EHHADH: variants seen among roughly 807,000 people sequenced by gnomAD.
EHHADH encodes enoyl-CoA hydratase and 3-hydroxyacyl CoA dehydrogenase.
A neutral mutation model predicts 64.4 loss-of-function variants in EHHADH; 48 were observed. The ratio of observed to expected loss-of-function variants is 0.75; its 90% confidence interval spans 0.59 to 0.95. The LOEUF is 0.95. EHHADH is among the 40% of genes least tolerant of loss of function. The pLI is 0.00. For missense variants in EHHADH, 854 were observed against 876.6 expected, an observed-to-expected ratio of 0.97 and a Z score of 0.33; for synonymous variants, 308 against 326.7, an observed-to-expected ratio of 0.94 and a Z score of 0.62.
intron 2 of EHHADH, chr3:185,245,897 A>G: frequency 1.7e-6 from 2 of 1,191,042 alleles, no homozygotes; most frequent in East Asian, 2.3e-5. Flanking sequence ...CATGATGTTG[A>G]ACACACAATT....
At chr3:185,199,237 A>G (rs952024347) in intron 6 of EHHADH, among the ~76,000 whole-genome samples, 1 of 152,254 alleles carries the variant, frequency 6.6e-6, no homozygotes. Flanking sequence ...CAAGAAAAAA[A>G]TGGAAAATGA....
chr3:185,209,118 T>C (rs1488138216), intron 5 of EHHADH, among the ~76,000 whole-genome samples: 3 of 152,182 alleles, frequency 2.0e-5, no homozygotes, highest in Non-Finnish European at 4.4e-5. Flanking sequence ...GCACAATCTA[T>C]AAGGCAAATC....
chr3:185,203,467 G>T lies in EHHADH; in HGVS notation c.910+949C>A, dbSNP rs375080787. The stretch of plus-strand genomic sequence containing the variant: ...AAGATTGTACCTAAGCTGGTGCAAA[G>T]AATGCTTCACTTACCATCTCAAGGG... On this transcript the variant is annotated intron_variant, in intron 6 of 6. Coordinates refer to ENST00000231887, the MANE Select transcript of EHHADH (RefSeq NM_001966.4). Among the ~76,000 whole-genome samples the T allele has an allele frequency of 4.7e-4, 72 of 152,330 alleles. 4 individuals carry two copies. The South Asian group carries it at 0.015, about 31-fold the overall frequency.
Position 185,204,703 on chromosome 3 carries a change from T to G in EHHADH, c.623A>C (p.Asn208Thr). 6.2e-7 allele frequency: 1 copy of G among 1,614,072 alleles called. No individual in the cohort carries two copies. Among genetic ancestry groups the G allele is most frequent in the Non-Finnish European group, 8.5e-7 (1 of 1,179,928 alleles). The change falls in exon 6 of 7, where the codon AAC (asparagine) becomes ACC (threonine). Residue 208 changes from asparagine (N) to threonine (T), a missense_variant. By Grantham distance (65) the Asn-to-Thr change is moderately conservative (BLOSUM62 0). Transcript: ENST00000231887. The part of the protein sequence containing the change: ...LCNKPIQSLP[N>T]MDSIFSEALL... ...GGCCTCACTAAAAATGCTGTCCATGTTGGGCAAGCTCTGAATTGGCTTGTT... is the reference window on the plus strand; with the variant it reads ...GGCCTCACTAAAAATGCTGTCCATGGTGGGCAAGCTCTGAATTGGCTTGTT...
At chr3:185,215,551 G>T (rs1225440951) in intron 5 of EHHADH, among the ~76,000 whole-genome samples, 1 of 152,090 alleles carries the variant, frequency 6.6e-6, no homozygotes, top group African/African-American at 2.4e-5. Context: ...TTTTTAGGGT[G>T]ATAGAACTAT....
chr3:185,247,214 T>C (rs1161755611), intron 2 of EHHADH, among the ~76,000 whole-genome samples: 1 of 152,238 alleles, frequency 6.6e-6, no homozygotes, highest in Non-Finnish European at 1.5e-5. Flanking sequence ...TCTATGTAAA[T>C]GTATTAAGTC....
chr3:185,238,675 T>C (rs1719367531), intron 2 of EHHADH, among the ~76,000 whole-genome samples: 1 of 152,230 alleles, frequency 6.6e-6, no homozygotes, highest in Non-Finnish European at 1.5e-5. Context: ...TTGTTTGAGT[T>C]CCTTATAGAT....
intron 5 of EHHADH, among the ~76,000 whole-genome samples, chr3:185,213,887 AAAAAAAAG>A (rs1186733443): frequency 6.7e-6 from 1 of 149,670 alleles, no homozygotes; most frequent in African/African-American, 2.6e-5. Context: ...TCTCAAAAAA[AAAAAAAAG>A]AAAAAAAGAA....
At chr3:185,240,858 T>C (rs2108649453) in intron 2 of EHHADH, among the ~76,000 whole-genome samples, 1 of 152,226 alleles carries the variant, frequency 6.6e-6, no homozygotes, top group South Asian at 2.1e-4. Flanking sequence ...TTTGGTTACA[T>C]AAGTAACTTC....
chr3:185,202,531 G>A (rs6796117), intron 6 of EHHADH, among the ~76,000 whole-genome samples: 10,144 of 152,142 alleles, frequency 0.067, 1,127 homozygotes, highest in African/African-American at 0.23. Flanking sequence ...AGCAGGGGTC[G>A]CCAACCTCTG....
chr3:185,203,150 T>C (rs761273099), intron 6 of EHHADH, among the ~76,000 whole-genome samples: 1 of 152,162 alleles, frequency 6.6e-6, no homozygotes, highest in Non-Finnish European at 1.5e-5. Context: ...TTATATTAAT[T>C]GCCCTGTTTT....
intron 4 of EHHADH, among the ~76,000 whole-genome samples, chr3:185,222,760 G>A (rs995361623): frequency 2.0e-5 from 3 of 152,130 alleles, no homozygotes; most frequent in Non-Finnish European, 4.4e-5. Context: ...GGCCACACCC[G>A]AGAGTCCCTG....
chr3:185,248,634 A>ACTTCTC, intron 1 of EHHADH, 117 bp from the exon 2 acceptor site: 2 of 668,796 alleles, frequency 3.0e-6, no homozygotes, highest in Non-Finnish European at 5.1e-6. Context: ...TAAAAACTGT[A>ACTTCTC]GATACTTCTC....
chr3:185,221,698 G>C (rs987612871), intron 4 of EHHADH, among the ~76,000 whole-genome samples: 6 of 148,868 alleles, frequency 4.0e-5, no homozygotes, highest in African/African-American at 1.5e-4. Context: ...TCAGTCTCTC[G>C]AGTAGTTGGT....
At chr3:185,242,116 C>G (rs1175177265) in intron 2 of EHHADH, among the ~76,000 whole-genome samples, 1 of 151,838 alleles carries the variant, frequency 6.6e-6, no homozygotes, top group South Asian at 2.1e-4. Flanking sequence ...ATTTAGGAAG[C>G]AAAAGATCTC....
chr3:185,198,365 C>T (rs1718129004), intron 6 of EHHADH, among the ~76,000 whole-genome samples: 2 of 151,472 alleles, frequency 1.3e-5, no homozygotes, highest in Admixed American at 6.6e-5. Context: ...ATTACAGGCA[C>T]CTGCCACCAT....
intron 6 of EHHADH, among the ~76,000 whole-genome samples, chr3:185,198,821 G>A (rs565182491): frequency 1.3e-5 from 2 of 151,768 alleles, no homozygotes; most frequent in Non-Finnish European, 2.9e-5. Flanking sequence ...CTGCACTCCA[G>A]CCTGGGCAAC....
At chr3:185,223,246 C>A (rs1718883855) in intron 4 of EHHADH, among the ~76,000 whole-genome samples, 1 of 152,096 alleles carries the variant, frequency 6.6e-6, no homozygotes, top group Non-Finnish European at 1.5e-5. Flanking sequence ...TTTTTATCCT[C>A]TATGTTGTTG....
chr3:185,201,851 C>G (rs900173915), intron 6 of EHHADH, among the ~76,000 whole-genome samples: 6 of 152,134 alleles, frequency 3.9e-5, no homozygotes, highest in African/African-American at 1.2e-4. Context: ...CAGTGGTTGA[C>G]AAACACAATA....
Sources: allele counts gnomAD v4.1 joint callset (sites outside exome capture counted in the v4.1 genomes callset), GRCh38; gene constraint gnomAD v4.1.1; transcripts MANE v1.5; gene names NCBI Gene and HGNC (gene_info 2026-07-23, HGNC 2026-07-21).